UNC5D: variants seen among roughly 807,000 people sequenced by gnomAD.
The protein encoded by UNC5D is unc-5 netrin receptor D, also known as netrin receptor UNC5D.
In UNC5D, 39 loss-of-function variants were observed where a neutral mutation model predicts 105.4. The observed-to-expected ratio is 0.37, with a 90% CI of 0.29 to 0.48. The LOEUF (loss-of-function observed/expected upper bound fraction) is 0.48, where lower values mean the gene tolerates loss of function less well. Ranked by LOEUF, UNC5D falls within the 20% of genes least tolerant of loss-of-function variation. The pLI, the probability that UNC5D is intolerant of heterozygous loss-of-function variation, is 0.98. For missense variants in UNC5D, 991 were observed against 1,202.4 expected (o/e 0.82, Z 2.60); for synonymous variants, 452 against 450.4 (o/e 1.00, Z -0.04).
At chr8:35,544,978 T>G (rs1013462434) in intron 1 of UNC5D, among the ~76,000 whole-genome samples, 2 of 152,150 alleles carry the variant, frequency 1.3e-5, no homozygotes, top group African/African-American at 4.8e-5. Flanking sequence ...TAAACCAGTG[T>G]CACCTGACCA....
chr8:35,320,388 A>G (rs551907452), intron 1 of UNC5D, among the ~76,000 whole-genome samples: 7 of 152,146 alleles, frequency 4.6e-5, no homozygotes, highest in Admixed American at 3.9e-4. Flanking sequence ...GGTTCTTCCA[A>G]GGAGCCTCCA....
At chr8:35,256,711 T>C (rs2128817194) in intron 1 of UNC5D, 1 of 152,200 alleles carries the variant, frequency 6.6e-6, no homozygotes, top group Middle Eastern at 3.4e-3. Flanking sequence ...CTCCAACACA[T>C]ATGTGCTGTC....
At chr8:35,402,541 C>A (rs1252795356) in intron 1 of UNC5D, among the ~76,000 whole-genome samples, 1 of 152,000 alleles carries the variant, frequency 6.6e-6, no homozygotes, top group Non-Finnish European at 1.5e-5. Flanking sequence ...GGGGACACAG[C>A]CAAATCATAT....
chr8:35,639,672 A>G (rs2131121765), intron 4 of UNC5D, among the ~76,000 whole-genome samples: 1 of 152,300 alleles, frequency 6.6e-6, no homozygotes, highest in South Asian at 2.1e-4. Flanking sequence ...TCTGGAAGAT[A>G]AAACTCAAGA....
intron 16 of UNC5D, among the ~76,000 whole-genome samples, chr8:35,784,048 C>T (rs1180054438): frequency 6.6e-6 from 1 of 152,014 alleles, no homozygotes; most frequent in Non-Finnish European, 1.5e-5. Context: ...TAGCATAGGC[C>T]AACTGAAATT....
chr8:35,613,954 G>A (rs2130993696), intron 4 of UNC5D, among the ~76,000 whole-genome samples: 1 of 152,330 alleles, frequency 6.6e-6, no homozygotes, highest in South Asian at 2.1e-4. Context: ...AACAAAGCAA[G>A]TCACTCTGAG....
At chr8:35,672,219 T>C (rs1009635400) in intron 4 of UNC5D, among the ~76,000 whole-genome samples, 3 of 152,214 alleles carry the variant, frequency 2.0e-5, no homozygotes, top group African/African-American at 7.2e-5. Context: ...TCTCAGCACT[T>C]GAAGATATAT....
Position 35,571,030 on chromosome 8 carries a change from G to C in UNC5D, c.466+2789G>C, listed in dbSNP as rs200125607. Among the ~76,000 whole-genome samples the C allele has an allele frequency of 3.2e-4, 48 of 152,080 alleles. No homozygotes were observed. In the East Asian group the frequency reaches 7.6e-3, roughly 24 times the overall value. On this transcript the variant is annotated intron_variant, in intron 3 of 16. Transcript: ENST00000404895. ...GACTTAAAATATATATATACACATA[G>C]AGAGAGAGAAATGGGGTTTGCTATG...
intron 1 of UNC5D, among the ~76,000 whole-genome samples, chr8:35,405,248 G>A (rs548354211): frequency 3.9e-5 from 6 of 152,268 alleles, no homozygotes; most frequent in African/African-American, 1.4e-4. Context: ...AAGGTTGGGT[G>A]TATGGGGAGG....
At chr8:35,684,532 A>G (rs1825881477) in intron 5 of UNC5D, 50 bp from the exon 6 acceptor site, 1 of 1,582,710 alleles carries the variant, frequency 6.3e-7, no homozygotes, top group Non-Finnish European at 8.6e-7. Flanking sequence ...GTAGGCAATC[A>G]GTAAAAACCT....
At chr8:35,401,900 CT>C (rs1804490267) in intron 1 of UNC5D, among the ~76,000 whole-genome samples, 1 of 152,216 alleles carries the variant, frequency 6.6e-6, no homozygotes, top group Non-Finnish European at 1.5e-5. Context: ...TTCCTGCTTA[CT>C]TTCATCTCCT....
chr8:35,611,302 T>A (rs183228932), intron 4 of UNC5D, among the ~76,000 whole-genome samples: 1 of 152,270 alleles, frequency 6.6e-6, no homozygotes, highest in African/African-American at 2.4e-5. Context: ...TCTCTTCTTG[T>A]CCTTCAAGGT....
chr8:35,607,555 A>G (rs937062389), intron 4 of UNC5D, among the ~76,000 whole-genome samples: 5 of 152,118 alleles, frequency 3.3e-5, no homozygotes, highest in African/African-American at 1.2e-4. Flanking sequence ...GTAATCCCCC[A>G]TAATCCCCAT....
At chr8:35,766,866 T>C (rs1307087657) in intron 14 of UNC5D, 36 bp from the exon 15 acceptor site, 1 of 1,587,900 alleles carries the variant, frequency 6.3e-7, no homozygotes, top group East Asian at 2.2e-5. Context: ...TCAGCCAGGC[T>C]CTGCACACCA....
Position 35,560,403 on chromosome 8 carries a change from G to A in UNC5D, c.323-7695G>A, listed in dbSNP as rs115149669. On this transcript the variant is annotated intron_variant, in intron 2 of 16. Transcript: ENST00000404895. ...TATTTCTCATTTGTGAATATATCAC[G>A]TATATGTATGCATATATGTGTATAC... Among the ~76,000 whole-genome samples, 358 of 152,258 alleles carry A rather than the reference G, an allele frequency of 2.4e-3. 3 individuals are homozygous for A. Among genetic ancestry groups the A allele is most frequent in the African/African-American group, 8.2e-3 (339 of 41,542 alleles).
chr8:35,442,578 C>T (rs567013151), intron 1 of UNC5D, among the ~76,000 whole-genome samples: 2 of 151,898 alleles, frequency 1.3e-5, no homozygotes, highest in African/African-American at 2.4e-5. Flanking sequence ...CTCAAATGTC[C>T]GGTCTTTGTA....
chr8:35,568,683 A>C (rs943271587), intron 3 of UNC5D, among the ~76,000 whole-genome samples: 1 of 152,148 alleles, frequency 6.6e-6, no homozygotes, highest in Non-Finnish European at 1.5e-5. Context: ...AACGAGAGAG[A>C]CTCCATCTCA....
intron 1 of UNC5D, among the ~76,000 whole-genome samples, chr8:35,378,204 A>C (rs961167387): frequency 1.3e-5 from 2 of 152,200 alleles, no homozygotes; most frequent in Non-Finnish European, 2.9e-5. Context: ...TATGATGTAC[A>C]CATGATTTTT....
At chr8:35,328,909 A>T (rs1050995529) in intron 1 of UNC5D, among the ~76,000 whole-genome samples, 7 of 151,910 alleles carry the variant, frequency 4.6e-5, no homozygotes, top group African/African-American at 1.2e-4. Flanking sequence ...TACTCTTGTG[A>T]TGTGTCTTTT....
Sources: gnomAD v4.1 joint callset for allele counts (sites outside exome capture counted in the v4.1 genomes callset) on GRCh38, gnomAD v4.1.1 for gene constraint, MANE v1.5 for transcripts, NCBI Gene and HGNC (gene_info 2026-07-23, HGNC 2026-07-21) for gene names.